ITPKC: variants seen among roughly 807,000 people sequenced by gnomAD.
The protein encoded by ITPKC is IP3 3-kinase C.
ITPKC carries 33 observed loss-of-function variants against 67.1 expected under a neutral mutation model. The observed-to-expected ratio is 0.49, with a 90% CI of 0.37 to 0.66. ITPKC has a LOEUF of 0.66. Ranked by LOEUF, ITPKC falls within the 30% of genes least tolerant of loss-of-function variation. The pLI is 0.00. For missense variants in ITPKC, 820 were observed against 892.1 expected, an observed-to-expected ratio of 0.92 and a Z score of 1.03; for synonymous variants, 341 against 359.8, an observed-to-expected ratio of 0.95 and a Z score of 0.59.
intron 1 of ITPKC, among the ~76,000 whole-genome samples, chr19:40,719,034 C>T (rs2082208298): frequency 6.6e-6 from 1 of 152,186 alleles, no homozygotes; most frequent in Non-Finnish European, 1.5e-5. Flanking sequence ...CGGGACAGAG[C>T]AGAGGCCGGT....
chr19:40,739,418 T>C lies in ITPKC; in HGVS notation c.1910T>C (p.Ile637Thr). The C allele has an allele frequency of 6.2e-7, 1 of 1,613,720 alleles. No individual in the cohort carries two copies. The change falls in exon 7 of 7, where the codon ATA (isoleucine) becomes ACA (threonine). Residue 637 changes from isoleucine to threonine, a missense_variant. Ile to Thr is a moderately conservative substitution (Grantham distance 89). Coordinates refer to ENST00000263370, the MANE Select transcript of ITPKC (RefSeq NM_025194.3). ...DHTGLAKVWM[I>T]DFGKTVALPD... ...ACCGGCCTGGCCAAGGTCTGGATGA[T>C]AGACTTCGGCAAGACGGTGGCCTTG...
At chr19:40,734,806 A>G (rs1190435231) in intron 4 of ITPKC, among the ~76,000 whole-genome samples, 5 of 145,438 alleles carry the variant, frequency 3.4e-5, no homozygotes, top group Admixed American at 6.9e-5. Context: ...TTTGAGACAG[A>G]GTCTCGCTCT....
intron 1 of ITPKC, among the ~76,000 whole-genome samples, chr19:40,718,609 C>T (rs931283456): frequency 1.3e-5 from 2 of 152,144 alleles, no homozygotes; most frequent in Admixed American, 1.3e-4. Context: ...CGTGCGTGTT[C>T]ACATACATTG....
At position 40,729,291 on chromosome 19, in the gene ITPKC, C is replaced by T; in HGVS notation, c.1345C>T (p.Leu449=). The stretch of plus-strand genomic sequence containing the variant: ...CCTGGAGCAGCTGATGAAAGACCCG[C>T]TGCGACCTTTCGTGCCTGCCTACTA... The part of the protein sequence containing the change: ...RSLEQLMKDP[L]RPFVPAYYGM... Residue 449 remains leucine, a synonymous_variant, in exon 3 of 7, where the codon CTG becomes TTG. Transcript: ENST00000263370. 1 of 1,614,188 alleles carries T rather than the reference C, an allele frequency of 6.2e-7. No homozygotes were observed. Among genetic ancestry groups the T allele is most frequent in the Middle Eastern group, 1.6e-4 (1 of 6,062 alleles).
chr19:40,729,085 A>G (rs891399428), intron 2 of ITPKC, 117 bp from the exon 3 acceptor site: 2 of 731,044 alleles, frequency 2.7e-6, no homozygotes, highest in African/African-American at 3.6e-5. Context: ...GAGAGAAAGC[A>G]TTGCAGGAGG....
At chr19:40,721,017 C>T (rs2082219590) in intron 1 of ITPKC, among the ~76,000 whole-genome samples, 1 of 152,034 alleles carries the variant, frequency 6.6e-6, no homozygotes, top group Non-Finnish European at 1.5e-5. Flanking sequence ...TCAAGTGATC[C>T]TCCTGCCTCA....
chr19:40,734,700 T>C (rs2082286755), intron 4 of ITPKC, among the ~76,000 whole-genome samples: 2 of 151,292 alleles, frequency 1.3e-5, no homozygotes, highest in African/African-American at 4.9e-5. Context: ...CCTCCACCTC[T>C]TGGGTTCAAG....
chr19:40,719,849 CA>C, intron 1 of ITPKC, among the ~76,000 whole-genome samples: 1 of 152,220 alleles, frequency 6.6e-6, no homozygotes, highest in Admixed American at 6.5e-5. Flanking sequence ...ACAGAGAATT[CA>C]AGTCACTTGT....
At chr19:40,733,414 T>C (rs1218134809) in intron 4 of ITPKC, 50 bp downstream of exon 4, 2 of 1,527,292 alleles carry the variant, frequency 1.3e-6, no homozygotes, top group Non-Finnish European at 1.8e-6. Flanking sequence ...TATAGCCAGA[T>C]CCCAGGCAGG....
chr19:40,733,040 T>C, intron 3 of ITPKC, 120 bp from the exon 4 acceptor site: 1 of 763,588 alleles, frequency 1.3e-6, no homozygotes, highest in Non-Finnish European at 2.2e-6. Flanking sequence ...TCTGTTGTAT[T>C]CTGTGCATTG....
intron 6 of ITPKC, among the ~76,000 whole-genome samples, chr19:40,739,143 T>G (rs1320645067): frequency 6.6e-6 from 1 of 152,150 alleles, no homozygotes; most frequent in East Asian, 1.9e-4. Context: ...AGACTAACTG[T>G]ATTACTCTCA....
rs755251942 is a variant in ITPKC at position 40,729,353 on chromosome 19, G to T, written c.1407G>T (p.Gln469His). Residue 469 changes from glutamine to histidine, a missense_variant, in exon 3 of 7, where the codon CAG (glutamine) becomes CAT (histidine). Coordinates refer to ENST00000263370, the MANE Select transcript of ITPKC (RefSeq NM_025194.3). ...TGCAGGATGGCCAGACCTTCAACCA[G>T]ATGGAAGACCTCCTGGCTGACTTTG... ...MVLQDGQTFN[Q>H]MEDLLADFEG... 1 of 1,614,144 alleles carries T rather than the reference G, an allele frequency of 6.2e-7. No homozygotes were observed. Among genetic ancestry groups the T allele is most frequent in the East Asian group, 2.2e-5 (1 of 44,878 alleles).
At chr19:40,726,077 C>G (rs933953600) in intron 2 of ITPKC, among the ~76,000 whole-genome samples, 1 of 152,042 alleles carries the variant, frequency 6.6e-6, no homozygotes, top group African/African-American at 2.4e-5. Flanking sequence ...CCCTTCTCTA[C>G]TAAAAATAAA....
intron 4 of ITPKC, 112 bp downstream of exon 4, chr19:40,733,476 G>T (rs2082281319): frequency 4.1e-6 from 4 of 972,516 alleles, no homozygotes; most frequent in East Asian, 2.6e-5. Context: ...GGGATGAAAG[G>T]CTGGGGCTGG....
In ITPKC at chr19:40,718,091, T is replaced by C; in HGVS notation, c.956T>C (p.Leu319Pro). 1 of 1,613,792 alleles carries C rather than the reference T, an allele frequency of 6.2e-7. No homozygotes were observed. Among genetic ancestry groups the C allele is most frequent in the Non-Finnish European group, 8.5e-7 (1 of 1,180,008 alleles). The change falls in exon 1 of 7, where the codon CTG becomes CCG. Residue 319 changes from leucine to proline, a missense_variant. Leu to Pro is a moderately conservative substitution (Grantham distance 98). Coordinates refer to ENST00000263370, the MANE Select transcript of ITPKC (RefSeq NM_025194.3). ...TTGCTGACTCACCTGTACTCTCACC[T>C]GAAGTGTAGCCCCCTGTGCCCTGTG... ...GELLTHLYSH[L>P]KCSPLCPVPR... is the part of the protein sequence containing the mutation.
chr19:40,725,432 A>T lies in ITPKC; in HGVS notation c.1248A>T (p.Gly416=). The T allele has an allele frequency of 6.2e-7, 1 of 1,604,610 alleles. No homozygotes were observed. The highest frequency in any genetic ancestry group is 1.1e-5 in the South Asian group (1 of 90,904). Residue 416 remains glycine (G), a synonymous_variant, in exon 2 of 7, where the codon GGA becomes GGT. Transcript: ENST00000263370. ...RKHYPWVQLS[G]HAGNFQAGED... ...ACTACCCTTGGGTCCAGCTTTCTGG[A>T]CATGCTGGTAAGTGGGGTGGTGGTG...
chr19:40,728,702 G>A (rs1487923768), intron 2 of ITPKC, among the ~76,000 whole-genome samples: 2 of 152,108 alleles, frequency 1.3e-5, no homozygotes, highest in East Asian at 1.9e-4. Context: ...ACAGAAATTC[G>A]CCCTTTCCTT....
chr19:40,739,279 C>T lies in ITPKC; in HGVS notation c.1849-78C>T, dbSNP rs1599658721. 4 of 1,067,094 alleles carry T rather than the reference C, an allele frequency of 3.7e-6. No homozygotes were observed. In the South Asian group the frequency reaches 4.4e-5, roughly 12 times the overall value. 66.1% of individuals were successfully genotyped at this position (1,067,094 alleles called of 1,614,324 possible). A position where few individuals can be genotyped will look rare whatever the true frequency, so the allele number is the denominator to read the frequency against. ...GCTCCAGGGTTCATGCTGTCAATCA[C>T]CCTGCTCTGCTGCCTGTCAGGAAGG... On this transcript the variant is annotated intron_variant, in intron 6 of 6. Coordinates refer to ENST00000263370, the MANE Select transcript of ITPKC (RefSeq NM_025194.3).
At chr19:40,724,643 T>G (rs1270994437) in intron 1 of ITPKC, among the ~76,000 whole-genome samples, 2 of 152,096 alleles carry the variant, frequency 1.3e-5, no homozygotes, top group Non-Finnish European at 2.9e-5. Context: ...GGGACAGAGA[T>G]GGGGCTTCCA....
Sources: allele counts gnomAD v4.1 joint callset (sites outside exome capture counted in the v4.1 genomes callset), GRCh38; gene constraint gnomAD v4.1.1; transcripts MANE v1.5; gene names NCBI Gene and HGNC (gene_info 2026-07-23, HGNC 2026-07-21).